The following TTC6 variants were observed in gnomAD, a reference collection of about 807,000 sequenced individuals.
The protein encoded by TTC6 is tetratricopeptide repeat domain 6, also known as tetratricopeptide repeat protein 6.
In TTC6, 172 loss-of-function variants were observed where a neutral mutation model predicts 210.4. The ratio of observed to expected loss-of-function variants is 0.82; its 90% CI spans 0.72 to 0.93. The LOEUF is 0.93. TTC6 is among the 40% of genes least tolerant of loss of function. The pLI is 0.00. For synonymous variants in TTC6, 804 were observed against 819.6 expected (o/e 0.98, Z 0.32); for missense variants, 2,414 against 2,318.1 (o/e 1.04, Z -0.85).
chr14:37,719,646 C>T (rs1360508531), intron 6 of TTC6, among the ~76,000 whole-genome samples: 1 of 151,844 alleles, frequency 6.6e-6, no homozygotes, highest in East Asian at 1.9e-4. Context: ...GTTGTACATC[C>T]CTTAGCCAGA....
intron 1 of TTC6, among the ~76,000 whole-genome samples, chr14:37,640,560 T>C (rs1278676793): frequency 6.6e-6 from 1 of 152,190 alleles, no homozygotes; most frequent in Non-Finnish European, 1.5e-5. Flanking sequence ...GTTTTGTTTT[T>C]TGAGACAGTT....
At chr14:37,699,467 A>G (rs1173702624) in intron 4 of TTC6, among the ~76,000 whole-genome samples, 1 of 152,220 alleles carries the variant, frequency 6.6e-6, no homozygotes, top group Non-Finnish European at 1.5e-5. Flanking sequence ...CTATGCTAGA[A>G]GTAAGTCCAA....
At chr14:37,762,673 G>T (rs1337432577) in intron 14 of TTC6, among the ~76,000 whole-genome samples, 1 of 152,006 alleles carries the variant, frequency 6.6e-6, no homozygotes, top group African/African-American at 2.4e-5. Context: ...TCTGAAGGTT[G>T]CTTCTTCACT....
intron 1 of TTC6, among the ~76,000 whole-genome samples, chr14:37,597,005 ATT>A (rs34214926): frequency 0.085 from 11,715 of 138,410 alleles, 568 homozygotes; most frequent in South Asian, 0.2. Flanking sequence ...ATTGGATTAC[ATT>A]TTTTTTTTTT....
At position 37,826,180 on chromosome 14, in the gene TTC6, G is replaced by T; in HGVS notation, c.4975-15G>T. ...GGAGTATTTCCTACTTCGTGTAATT[G>T]GAAAATTATTTTAGGCCCAAGGAAA... On this transcript the variant is annotated splice_polypyrimidine_tract_variant and intron_variant, in intron 27 of 30. Coordinates refer to ENST00000553443, the Ensembl canonical transcript of TTC6. 1.3e-6 allele frequency: 2 copies of T among 1,569,510 alleles called. No homozygotes were observed. The highest frequency in any genetic ancestry group is 1.7e-6 in the Non-Finnish European group (2 of 1,154,174).
exon 1 of TTC6, chr14:37,595,918 C>T (rs2095603363): frequency 6.6e-6 from 1 of 152,200 alleles, no homozygotes; most frequent in South Asian, 2.1e-4. Context: ...TCATCTGAGT[C>T]AGCCGAGCCA....
At chr14:37,704,972 C>A (rs2138701529) in intron 5 of TTC6, among the ~76,000 whole-genome samples, 1 of 152,208 alleles carries the variant, frequency 6.6e-6, no homozygotes, top group South Asian at 2.1e-4. Flanking sequence ...TAAATTCCAA[C>A]ATGTTATTGA....
At chr14:37,710,342 G>A (rs538939813) in intron 5 of TTC6, among the ~76,000 whole-genome samples, 32 of 152,262 alleles carry the variant, frequency 2.1e-4, no homozygotes, top group African/African-American at 6.7e-4. Context: ...ACTCATAGAA[G>A]ATGTGTGCAG....
At chr14:37,788,723 C>T (rs1190638662) in intron 15 of TTC6, among the ~76,000 whole-genome samples, 2 of 152,184 alleles carry the variant, frequency 1.3e-5, no homozygotes, top group Admixed American at 6.5e-5. Flanking sequence ...GTCTGTCCTT[C>T]ATTCCCCAGT....
At chr14:37,608,493 G>A (rs2139240120) in intron 2 of TTC6, among the ~76,000 whole-genome samples, 1 of 152,146 alleles carries the variant, frequency 6.6e-6, no homozygotes, top group African/African-American at 2.4e-5. Flanking sequence ...TGCCAGGTGA[G>A]TCAGGGTTTC....
chr14:37,813,388 C>T (rs1315161623), intron 25 of TTC6, among the ~76,000 whole-genome samples: 1 of 152,060 alleles, frequency 6.6e-6, no homozygotes, highest in African/African-American at 2.4e-5. Context: ...GGCAAGAAAA[C>T]GATGGGCAAC....
chr14:37,678,229 C>G (rs1412520084), intron 1 of TTC6, among the ~76,000 whole-genome samples: 2 of 152,056 alleles, frequency 1.3e-5, no homozygotes, highest in Non-Finnish European at 1.5e-5. Flanking sequence ...CCACAGAAAC[C>G]TTTACTCAAG....
At chr14:37,679,747 A>G (rs1250343663) in intron 1 of TTC6, among the ~76,000 whole-genome samples, 2 of 152,024 alleles carry the variant, frequency 1.3e-5, no homozygotes, top group South Asian at 2.1e-4. Flanking sequence ...CTGTAGTGCA[A>G]TGGCATGATC....
intron 5 of TTC6, among the ~76,000 whole-genome samples, chr14:37,713,001 G>C (rs2095847016): frequency 1.3e-5 from 2 of 152,126 alleles, no homozygotes; most frequent in Admixed American, 1.3e-4. Flanking sequence ...GCTGCCTAGG[G>C]TGCTGCTGTT....
At chr14:37,625,862 A>C (rs1424385518) in intron 1 of TTC6, among the ~76,000 whole-genome samples, 1 of 152,182 alleles carries the variant, frequency 6.6e-6, no homozygotes, top group Non-Finnish European at 1.5e-5. Flanking sequence ...CTGGGCCTGG[A>C]GTTGCAAAGA....
At chr14:37,685,366 T>C (rs1402690208) in intron 3 of TTC6, among the ~76,000 whole-genome samples, 1 of 152,124 alleles carries the variant, frequency 6.6e-6, no homozygotes, top group African/African-American at 2.4e-5. Context: ...GCTATGAAAT[T>C]GTACCAAGAA....
exon 30 of TTC6, chr14:37,841,593 C>G (rs758699144): frequency 6.2e-7 from 1 of 1,606,594 alleles, no homozygotes; most frequent in Admixed American, 1.7e-5. Context: ...CCCTTTTGGG[C>G]TGCAGTATAT....
intron 20 of TTC6, 95 bp downstream of exon 22, chr14:37,797,042 G>A (rs1035899720): frequency 2.4e-5 from 27 of 1,140,054 alleles, no homozygotes; most frequent in Non-Finnish European, 3.0e-5. Context: ...ACAAAATTAA[G>A]TCATACTATT....
Position 37,796,950 on chromosome 14 carries a change from G to T in TTC6, c.4029+3G>T. 1.3e-6 allele frequency: 2 copies of T among 1,589,260 alleles called. No individual in the cohort carries two copies. Among genetic ancestry groups the T allele is most frequent in the Non-Finnish European group, 1.7e-6 (2 of 1,169,002 alleles). ...AAATGAAGGCCAAGAGAACCAAGGTGAAAAGTCCTCTGAGTAATGTTTACT... is the reference window on the plus strand; with the variant it reads ...AAATGAAGGCCAAGAGAACCAAGGTTAAAAGTCCTCTGAGTAATGTTTACT... On this transcript the variant is annotated splice_donor_region_variant and intron_variant, in intron 20 of 30. Transcript: ENST00000553443.
Sources: allele counts gnomAD v4.1 joint callset (sites outside exome capture counted in the v4.1 genomes callset), GRCh38; gene constraint gnomAD v4.1.1; transcripts MANE v1.5; gene names NCBI Gene and HGNC (gene_info 2026-07-23, HGNC 2026-07-21).